SMYD1: variants seen among roughly 807,000 people sequenced by gnomAD.
The protein encoded by SMYD1 is histone-lysine N-methyltransferase SMYD1.
Under a neutral mutation model 54.0 loss-of-function variants are expected in SMYD1, and 49 were observed. The observed-to-expected ratio is 0.91, with a 90% CI of 0.72 to 1.15. The LOEUF is 1.15. Ranked by LOEUF, SMYD1 falls within the 50% of genes most tolerant of loss-of-function variation. The pLI, the probability that SMYD1 is intolerant of heterozygous loss-of-function variation, is 0.00. For missense variants in SMYD1, 653 were observed against 639.6 expected (o/e 1.02, Z -0.23); for synonymous variants, 269 against 234.2 (o/e 1.15, Z -1.36).
intron 5 of SMYD1, among the ~76,000 whole-genome samples, chr2:88,096,160 A>G (rs556826347): frequency 2.0e-5 from 3 of 152,328 alleles, no homozygotes; most frequent in South Asian, 4.1e-4. Flanking sequence ...CCGAATGTGT[A>G]TGTTTCTGAG....
At chr2:88,073,134 TC>T (rs1407500910) in intron 1 of SMYD1, among the ~76,000 whole-genome samples, 3 of 152,214 alleles carry the variant, frequency 2.0e-5, no homozygotes, top group African/African-American at 7.2e-5. Context: ...AATGTTTATC[TC>T]CCACTTCAAA....
chr2:88,077,793 G>A lies in SMYD1; in HGVS notation c.138-6523G>A, dbSNP rs538837782. On this transcript the variant is annotated intron_variant, in intron 1 of 9. Coordinates refer to ENST00000419482, the MANE Select transcript of SMYD1 (RefSeq NM_198274.4). ...GGCTAGAGTGCCGTGGCGTGATCTC[G>A]GCTCACTGCAAGCTCCGCCTCCCAG... is the stretch of plus-strand genomic sequence containing the variant. Among the ~76,000 whole-genome samples, 389 of 148,700 alleles carry A rather than the reference G, an allele frequency of 2.6e-3. 1 individual carries two copies. The highest frequency in any genetic ancestry group is 4.8e-3 in the Non-Finnish European group (323 of 67,574).
chr2:88,078,210 C>T (rs1281192637), intron 1 of SMYD1, among the ~76,000 whole-genome samples: 2 of 152,214 alleles, frequency 1.3e-5, no homozygotes, highest in Non-Finnish European at 2.9e-5. Flanking sequence ...CTGATGTCCA[C>T]TGAGTACTTA....
chr2:88,103,078 G>A lies in SMYD1; in HGVS notation c.909G>A (p.Lys303=). 1 of 1,614,102 alleles carries A rather than the reference G, an allele frequency of 6.2e-7. No individual in the cohort carries two copies. Residue 303 remains lysine (K), a synonymous_variant, in exon 7 of 10, where the codon AAG becomes AAA. Transcript: ENST00000419482. The part of the protein sequence containing the change: ...DNPKPSQEVV[K]EMIQFSKDTL... ...CCCAGCCCTCTCAGGAAGTGGTGAA[G>A]GAGATGATACAATTCTCCAAGGATA...
intron 1 of SMYD1, among the ~76,000 whole-genome samples, chr2:88,080,611 C>T (rs923007595): frequency 6.6e-5 from 10 of 152,118 alleles, no homozygotes; most frequent in African/African-American, 2.4e-4. Context: ...CCTCCTGGCT[C>T]TCCTCCCTTT....
At chr2:88,082,993 G>A (rs1674233339) in intron 1 of SMYD1, 1 of 152,174 alleles carries the variant, frequency 6.6e-6, no homozygotes, top group Non-Finnish European at 1.5e-5. Context: ...GAATATTCAT[G>A]GCCAGGGATA....
At chr2:88,071,773 T>G (rs1673950667) in intron 1 of SMYD1, among the ~76,000 whole-genome samples, 2 of 152,170 alleles carry the variant, frequency 1.3e-5, no homozygotes, top group Non-Finnish European at 2.9e-5. Flanking sequence ...GTAGTTGAGA[T>G]ACCGGGGGTG....
intron 1 of SMYD1, among the ~76,000 whole-genome samples, chr2:88,081,117 A>G (rs1674180550): frequency 6.6e-6 from 1 of 151,818 alleles, no homozygotes; most frequent in Non-Finnish European, 1.5e-5. Context: ...TGGCCAGGCT[A>G]GTCTTGAACT....
At chr2:88,074,044 G>A (rs1430294438) in intron 1 of SMYD1, among the ~76,000 whole-genome samples, 1 of 152,126 alleles carries the variant, frequency 6.6e-6, no homozygotes, top group Admixed American at 6.5e-5. Context: ...AAAGAGAGAG[G>A]GAAAGAAGAT....
chr2:88,090,070 G>C (rs1049400120), intron 3 of SMYD1, among the ~76,000 whole-genome samples: 2 of 152,176 alleles, frequency 1.3e-5, no homozygotes, highest in East Asian at 3.8e-4. Flanking sequence ...CTATAGATGG[G>C]AAAACCAGGG....
At chr2:88,100,020 C>T (rs981181881) in intron 6 of SMYD1, among the ~76,000 whole-genome samples, 2 of 148,860 alleles carry the variant, frequency 1.3e-5, no homozygotes, top group African/African-American at 4.9e-5. Context: ...CCCCTCAGAT[C>T]CCCCACCTCC....
intron 5 of SMYD1, among the ~76,000 whole-genome samples, chr2:88,094,124 G>C: frequency 6.6e-6 from 1 of 152,196 alleles, no homozygotes; most frequent in Non-Finnish European, 1.5e-5. Context: ...GACAGCTCTT[G>C]AAATAGTCTT....
chr2:88,087,565 C>T (rs1277628782), intron 2 of SMYD1, among the ~76,000 whole-genome samples: 2 of 152,178 alleles, frequency 1.3e-5, no homozygotes, highest in African/African-American at 2.4e-5. Flanking sequence ...AATTCCAGCT[C>T]AAATGTGCCT....
intron 6 of SMYD1, among the ~76,000 whole-genome samples, chr2:88,099,941 C>G (rs75890596): frequency 6.8e-6 from 1 of 146,320 alleles, no homozygotes; most frequent in African/African-American, 2.5e-5. Flanking sequence ...TCCTCTGGCC[C>G]CTTTCCTTAT....
intron 7 of SMYD1, among the ~76,000 whole-genome samples, chr2:88,105,028 A>G (rs2919869): frequency 0.73 from 111,705 of 152,144 alleles, 41,153 homozygotes; most frequent in East Asian, 0.81. Context: ...TGAGCCTCAG[A>G]ACCACCCAGG....
chr2:88,094,161 G>T (rs536400081), intron 5 of SMYD1, among the ~76,000 whole-genome samples: 2 of 152,328 alleles, frequency 1.3e-5, no homozygotes, highest in South Asian at 4.1e-4. Context: ...TGCTGTGTGA[G>T]AGTTTGGGCT....
At chr2:88,077,410 T>G (rs77296426) in intron 1 of SMYD1, among the ~76,000 whole-genome samples, 1 of 152,204 alleles carries the variant, frequency 6.6e-6, no homozygotes, top group South Asian at 2.1e-4. Flanking sequence ...CAGGGACCCT[T>G]AAGAGAATAA....
intron 1 of SMYD1, chr2:88,082,642 G>A (rs1337155042): frequency 1.3e-5 from 2 of 154,354 alleles, no homozygotes; most frequent in Admixed American, 6.5e-5. Flanking sequence ...AACCTCCTTC[G>A]GCTACAGGGA....
At chr2:88,089,153 C>T (rs191796409) in intron 3 of SMYD1, among the ~76,000 whole-genome samples, 171 of 152,240 alleles carry the variant, frequency 1.1e-3, no homozygotes, top group African/African-American at 3.8e-3. Flanking sequence ...AGTTCAAGTC[C>T]GGAGGCATTC....
Sources: gnomAD v4.1 joint callset for allele counts (sites outside exome capture counted in the v4.1 genomes callset) on GRCh38, gnomAD v4.1.1 for gene constraint, MANE v1.5 for transcripts, NCBI Gene and HGNC (gene_info 2026-07-23, HGNC 2026-07-21) for gene names.